Variants in OTUD7A observed in about 807,000 individuals in gnomAD.
The protein encoded by OTUD7A is OTU deubiquitinase 7A, also known as OTU domain-containing protein 7A.
In OTUD7A, 12 loss-of-function variants were observed where a neutral mutation model predicts 65.7. That is an observed-to-expected ratio of 0.18 (90% confidence interval 0.12 to 0.30). The LOEUF (loss-of-function observed/expected upper bound fraction) is 0.30, where lower values mean the gene tolerates loss of function less well. Among genes scored for constraint, OTUD7A ranks in the 10% least tolerant of loss-of-function variants. The pLI, the probability that OTUD7A is intolerant of heterozygous loss-of-function variation, is 1.00. For synonymous variants in OTUD7A, 641 were observed against 586.3 expected (o/e 1.09, Z -1.35); for missense variants, 1,148 against 1,304.8 (o/e 0.88, Z 1.85).
At chr15:31,843,068 A>G (rs572362181) in intron 1 of OTUD7A, among the ~76,000 whole-genome samples, 1 of 151,928 alleles carries the variant, frequency 6.6e-6, no homozygotes, top group South Asian at 2.1e-4. Flanking sequence ...TAGAAATGAG[A>G]AGGAGGACAG....
At chr15:31,870,332 GC>G (rs968468856) in intron 1 of OTUD7A, among the ~76,000 whole-genome samples, 174 bp downstream of exon 1, 43 of 146,518 alleles carry the variant, frequency 2.9e-4, no homozygotes, top group African/African-American at 1.1e-3. Flanking sequence ...CGGGGCCCGC[GC>G]CCCCCGCGTC....
intron 1 of OTUD7A, among the ~76,000 whole-genome samples, chr15:31,689,661 T>C (rs1037938923): frequency 5.9e-5 from 9 of 152,278 alleles, no homozygotes; most frequent in African/African-American, 1.9e-4. Flanking sequence ...CCCACAGCCC[T>C]GAATCCCACT....
chr15:31,761,414 T>C (rs1049164016), intron 1 of OTUD7A, among the ~76,000 whole-genome samples: 1 of 152,042 alleles, frequency 6.6e-6, no homozygotes, highest in Non-Finnish European at 1.5e-5. Context: ...AATAATCACA[T>C]GAAAAGATAC....
At chr15:31,685,963 G>A (rs1185140540) in intron 1 of OTUD7A, among the ~76,000 whole-genome samples, 1 of 152,236 alleles carries the variant, frequency 6.6e-6, no homozygotes, top group Non-Finnish European at 1.5e-5. Context: ...TGCCCTGAGG[G>A]TGTGTCTTCA....
intron 3 of OTUD7A, among the ~76,000 whole-genome samples, chr15:31,604,211 T>A (rs924849137): frequency 6.6e-6 from 1 of 152,172 alleles, no homozygotes; most frequent in East Asian, 1.9e-4. Flanking sequence ...CCACCAATGA[T>A]AGACTGGATA....
At position 31,689,534 on chromosome 15, in the gene OTUD7A, G is replaced by C. The variant is rs138426837; in HGVS notation, c.-99-32457C>G. ...AATGTTCACACTTCATGGGAAGTGA[G>C]AATTAACAATTTCAATTTTAGGATT... On this transcript the variant is annotated intron_variant, in intron 1 of 12. Coordinates refer to ENST00000307050, the MANE Select transcript of OTUD7A (RefSeq NM_001382637.1). 4.6e-3 allele frequency: 692 copies of C among 150,694 alleles called. 4 individuals are homozygous for C. The highest frequency in any genetic ancestry group is 0.016 in the African/African-American group (666 of 41,272). The allele number at this position is 150,694 out of a possible 1,614,324, so 9.3% of individuals were successfully genotyped here.
At chr15:31,588,968 T>C (rs2141194647) in intron 3 of OTUD7A, among the ~76,000 whole-genome samples, 1 of 152,318 alleles carries the variant, frequency 6.6e-6, no homozygotes, top group Admixed American at 6.5e-5. Context: ...GAAGGGCACA[T>C]GGCACACTTT....
At chr15:31,684,999 T>A (rs1394685963) in intron 1 of OTUD7A, among the ~76,000 whole-genome samples, 1 of 151,356 alleles carries the variant, frequency 6.6e-6, no homozygotes, top group Non-Finnish European at 1.5e-5. Flanking sequence ...ACTCACAACT[T>A]GTCAATCACC....
chr15:31,821,889 T>C (rs1055168900), intron 1 of OTUD7A, among the ~76,000 whole-genome samples: 1 of 152,226 alleles, frequency 6.6e-6, no homozygotes, highest in Non-Finnish European at 1.5e-5. Flanking sequence ...TTTCATGTGT[T>C]TACTGGCCAT....
intron 1 of OTUD7A, among the ~76,000 whole-genome samples, chr15:31,699,988 A>T (rs914317872): frequency 1.3e-4 from 20 of 150,656 alleles, no homozygotes; most frequent in African/African-American, 3.9e-4. Context: ...CGTTCTCTGC[A>T]CTCTCCTATC....
intron 1 of OTUD7A, among the ~76,000 whole-genome samples, chr15:31,863,464 T>A (rs541733800): frequency 6.6e-6 from 1 of 152,292 alleles, no homozygotes; most frequent in East Asian, 1.9e-4. Flanking sequence ...TAGGTGGAGG[T>A]TCCCAAACCT....
intron 1 of OTUD7A, among the ~76,000 whole-genome samples, chr15:31,853,058 C>T (rs1897471181): frequency 6.6e-6 from 1 of 152,148 alleles, no homozygotes; most frequent in Admixed American, 6.5e-5. Context: ...GCCTGGGTGG[C>T]CCTCGCTGGG....
At chr15:31,658,344 TG>T (rs1434582671) in intron 1 of OTUD7A, among the ~76,000 whole-genome samples, 1 of 152,142 alleles carries the variant, frequency 6.6e-6, no homozygotes, top group East Asian at 1.9e-4. Context: ...TCCACCAGCT[TG>T]CTGAAGGCAG....
At chr15:31,616,549 T>A (rs1436089543) in intron 3 of OTUD7A, among the ~76,000 whole-genome samples, 1 of 152,168 alleles carries the variant, frequency 6.6e-6, no homozygotes, top group African/African-American at 2.4e-5. Context: ...ACATTTTACT[T>A]TTATTCATTT....
intron 1 of OTUD7A, among the ~76,000 whole-genome samples, chr15:31,717,439 G>A (rs1277770157): frequency 2.0e-5 from 3 of 151,842 alleles, no homozygotes; most frequent in Non-Finnish European, 4.4e-5. Flanking sequence ...CCCTCCCTGC[G>A]TCCATGTGTT....
chr15:31,845,166 G>T (rs551042072), intron 1 of OTUD7A, among the ~76,000 whole-genome samples: 2 of 152,294 alleles, frequency 1.3e-5, no homozygotes, highest in South Asian at 4.1e-4. Flanking sequence ...TTAAAAAGCA[G>T]GATTCTTCAG....
chr15:31,808,560 G>A (rs1478096529), intron 1 of OTUD7A, among the ~76,000 whole-genome samples: 1 of 152,088 alleles, frequency 6.6e-6, no homozygotes, highest in African/African-American at 2.4e-5. Context: ...ATTTACCTAG[G>A]ACCTTGTTTC....
At chr15:31,665,910 C>T (rs143272679) in intron 1 of OTUD7A, among the ~76,000 whole-genome samples, 308 of 152,236 alleles carry the variant, frequency 2.0e-3, no homozygotes, top group African/African-American at 6.8e-3. Context: ...TCTATCGAGA[C>T]GATCACGTGA....
rs1434423746 is a variant in OTUD7A at position 31,692,381 on chromosome 15, C to A, written c.-99-35304G>T. Among the ~76,000 whole-genome samples the A allele has an allele frequency of 1.9e-5, 2 of 104,388 alleles. 1 individual carries two copies. Among genetic ancestry groups the A allele is most frequent in the Non-Finnish European group, 4.4e-5 (2 of 45,774 alleles). The allele number at this position is 104,388 out of a possible 152,430, so 68.5% of individuals were successfully genotyped here. A position where few individuals can be genotyped will look rare whatever the true frequency, so the allele number is the denominator to read the frequency against. On this transcript the variant is annotated intron_variant, in intron 1 of 12. Transcript: ENST00000307050. The stretch of plus-strand genomic sequence containing the variant: ...TACTCAACCATAAAAATAATGGAAT[C>A]CCGTCATTTGCAGCATCATGGATGG...
Sources: allele counts gnomAD v4.1 joint callset (sites outside exome capture counted in the v4.1 genomes callset), GRCh38; gene constraint gnomAD v4.1.1; transcripts MANE v1.5; gene names NCBI Gene and HGNC (gene_info 2026-07-23, HGNC 2026-07-21).